The following ZNF33B variants were observed in gnomAD, a reference collection of about 807,000 sequenced individuals.
ZNF33B encodes zinc finger protein 33B.
Under a neutral mutation model 45.8 loss-of-function variants are expected in ZNF33B, and 29 were observed. The observed-to-expected ratio is 0.63, with a 90% CI of 0.47 to 0.86. The LOEUF (loss-of-function observed/expected upper bound fraction) is 0.86. Among genes scored for constraint, ZNF33B ranks in the 40% least tolerant of loss-of-function variants. ZNF33B has a pLI of 0.00. For missense variants in ZNF33B, 831 were observed against 909.9 expected, an observed-to-expected ratio of 0.91 and a Z score of 1.12; for synonymous variants, 305 against 307.8, an observed-to-expected ratio of 0.99 and a Z score of 0.10.
chr10:42,621,713 T>A (rs1838599877), intron 4 of ZNF33B, among the ~76,000 whole-genome samples: 1 of 152,106 alleles, frequency 6.6e-6, no homozygotes, highest in Non-Finnish European at 1.5e-5. Context: ...TTCAACATGA[T>A]AAAGGGCACA....
chr10:42,611,720 A>G (rs1454477684), intron 4 of ZNF33B, among the ~76,000 whole-genome samples: 5 of 152,234 alleles, frequency 3.3e-5, no homozygotes, highest in Non-Finnish European at 5.9e-5. Context: ...TGTACACAGA[A>G]TATGTAAAAC....
At chr10:42,627,817 T>C (rs1370975778) in intron 4 of ZNF33B, among the ~76,000 whole-genome samples, 1 of 150,468 alleles carries the variant, frequency 6.6e-6, no homozygotes, top group Non-Finnish European at 1.5e-5. Context: ...AATTTCTAAA[T>C]TATTATATAT....
At position 42,638,488 on chromosome 10, in the gene ZNF33B, G is replaced by C. The variant is rs41301643; in HGVS notation, c.-59C>G. On this transcript the variant is annotated 5_prime_UTR_variant, in exon 1 of 5. Transcript: ENST00000359467. ...CGGAGGCTTACCTCACTCTCTCTTC[G>C]GGTTGCATTCGCCATAAGAGAGCCG... 0.011 allele frequency: 5,275 copies of C among 462,844 alleles called. 53 individuals are homozygous for C. Among genetic ancestry groups the C allele is most frequent in the Middle Eastern group, 0.017 (50 of 2,978 alleles). The allele number at this position is 462,844 out of a possible 1,614,324, so 28.7% of individuals were successfully genotyped here.
intron 4 of ZNF33B, among the ~76,000 whole-genome samples, chr10:42,625,537 T>C (rs1838770285): frequency 6.6e-6 from 1 of 152,238 alleles, no homozygotes; most frequent in South Asian, 2.1e-4. Context: ...TGGCGTGCAA[T>C]GGTGTGAGCT....
At position 42,593,673 on chromosome 10, in the gene ZNF33B, G is replaced by T; in HGVS notation, c.1277C>A (p.Ser426Tyr). 1 of 1,613,584 alleles carries T rather than the reference G, an allele frequency of 6.2e-7. No homozygotes were observed. Among genetic ancestry groups the T allele is most frequent in the Non-Finnish European group, 8.5e-7 (1 of 1,179,616 alleles). ...TGTTCTCTGATGTTTAGTGAGGTCAGATTTCTGGTAAAAAGTTTTCCCACA... is the reference window on the plus strand; with the variant it reads ...TGTTCTCTGATGTTTAGTGAGGTCATATTTCTGGTAAAAAGTTTTCCCACA... ...NACGKTFYQK[S>Y]DLTKHQRTHT... The change falls in exon 5 of 5, where the codon TCT (serine) becomes TAT (tyrosine). Residue 426 changes from serine to tyrosine, a missense_variant. Transcript: ENST00000359467.
At chr10:42,637,410 C>A (rs1163727359) in intron 1 of ZNF33B, among the ~76,000 whole-genome samples, 1 of 152,202 alleles carries the variant, frequency 6.6e-6, no homozygotes, top group Non-Finnish European at 1.5e-5. Flanking sequence ...CCATAAGCGT[C>A]AGTGCTTCAA....
chr10:42,611,951 T>C (rs903506667), intron 4 of ZNF33B, among the ~76,000 whole-genome samples: 2 of 152,224 alleles, frequency 1.3e-5, no homozygotes, highest in Non-Finnish European at 2.9e-5. Context: ...TGTTGTCTTA[T>C]GGCATTACCT....
chr10:42,604,515 G>A (rs1304767530), intron 4 of ZNF33B, among the ~76,000 whole-genome samples: 1 of 152,132 alleles, frequency 6.6e-6, no homozygotes, highest in African/African-American at 2.4e-5. Flanking sequence ...GTATGATGAT[G>A]TCTCATCAAA....
intron 1 of ZNF33B, chr10:42,574,688 T>C (rs1317421840): frequency 1.3e-5 from 2 of 152,130 alleles, no homozygotes; most frequent in African/African-American, 4.8e-5. Context: ...TCTGCAATCA[T>C]ATTTTAAAAG....
At chr10:42,621,609 C>T (rs775397759) in intron 4 of ZNF33B, among the ~76,000 whole-genome samples, 4 of 151,654 alleles carry the variant, frequency 2.6e-5, no homozygotes, top group Non-Finnish European at 5.9e-5. Context: ...AAAAAGGACA[C>T]GATCATCTCA....
At chr10:42,613,683 G>A (rs1173333024) in intron 4 of ZNF33B, among the ~76,000 whole-genome samples, 1 of 152,160 alleles carries the variant, frequency 6.6e-6, no homozygotes, top group East Asian at 1.9e-4. Flanking sequence ...AGAGTTGAAG[G>A]TTTAAGTATA....
At chr10:42,576,173 G>C (rs1476293775) in intron 1 of ZNF33B, among the ~76,000 whole-genome samples, 1 of 152,016 alleles carries the variant, frequency 6.6e-6, no homozygotes, top group East Asian at 1.9e-4. Context: ...TATTTTAGTA[G>C]AGACAGGGTT....
rs1355061299 is a variant in ZNF33B at position 42,590,245 on chromosome 10, A to G, written c.*2368T>C. ...GGTATTAGGGTAATCCTGGCCTCAC[A>G]AAATGATTTGGGAAGTGTTATCCCT... On this transcript the variant is annotated 3_prime_UTR_variant, in exon 5 of 5. Coordinates refer to ENST00000359467, the MANE Select transcript of ZNF33B (RefSeq NM_006955.3). The G allele has an allele frequency of 6.6e-6, 1 of 152,200 alleles. No homozygotes were observed. The highest frequency in any genetic ancestry group is 2.4e-5 in the African/African-American group (1 of 41,452). The allele number at this position is 152,200 out of a possible 1,614,324, so 9.4% of individuals were successfully genotyped here.
intron 1 of ZNF33B, among the ~76,000 whole-genome samples, chr10:42,578,005 C>A (rs1005246467): frequency 1.3e-5 from 2 of 152,256 alleles, no homozygotes; most frequent in East Asian, 3.9e-4. Flanking sequence ...TGAAAACCAC[C>A]CCTCCTCTAG....
intron 4 of ZNF33B, among the ~76,000 whole-genome samples, chr10:42,606,235 C>T (rs1311186247): frequency 3.3e-5 from 5 of 151,936 alleles, no homozygotes; most frequent in Admixed American, 2.6e-4. Context: ...GAGGCCAAGG[C>T]GGGCAGATCA....
intron 4 of ZNF33B, among the ~76,000 whole-genome samples, chr10:42,609,259 A>T (rs2132088751): frequency 6.6e-6 from 1 of 152,160 alleles, no homozygotes; most frequent in South Asian, 2.1e-4. Context: ...CTATAAAAAA[A>T]TTACAAAAAA....
At chr10:42,613,693 A>C (rs1053754268) in intron 4 of ZNF33B, among the ~76,000 whole-genome samples, 11 of 152,212 alleles carry the variant, frequency 7.2e-5, no homozygotes, top group African/African-American at 2.4e-4. Context: ...GTTTAAGTAT[A>C]AACACATGTT....
chr10:42,635,255 A>T (rs1839238053), intron 2 of ZNF33B, among the ~76,000 whole-genome samples: 1 of 151,996 alleles, frequency 6.6e-6, no homozygotes, highest in African/African-American at 2.4e-5. Flanking sequence ...AAAAAAAAAA[A>T]ATCAGACATC....
chr10:42,624,649 CATT>C (rs1838725169), intron 4 of ZNF33B, among the ~76,000 whole-genome samples: 2 of 152,050 alleles, frequency 1.3e-5, no homozygotes, highest in African/African-American at 2.4e-5. Context: ...ACTTTAGGGC[CATT>C]ATTAAGTAAA....
Sources: allele counts gnomAD v4.1 joint callset (sites outside exome capture counted in the v4.1 genomes callset), GRCh38; gene constraint gnomAD v4.1.1; transcripts MANE v1.5; gene names NCBI Gene and HGNC (gene_info 2026-07-23, HGNC 2026-07-21).